Variants in RETREG1 observed in about 807,000 individuals in gnomAD.
RETREG1 encodes the protein family with sequence similarity 134 member B.
Under a neutral mutation model 54.8 loss-of-function variants are expected in RETREG1, and 44 were observed. The observed-to-expected ratio is 0.80, with a 90% CI of 0.63 to 1.03. RETREG1 has a LOEUF of 1.03. Ranked by LOEUF, RETREG1 falls within the 50% of genes least tolerant of loss-of-function variation. The probability of loss-of-function intolerance (pLI) is 0.00; values close to 1 mark genes in which losing one functional copy is unlikely to be tolerated. For missense variants in RETREG1, 554 were observed against 605.1 expected (o/e 0.92, Z 0.89); for synonymous variants, 217 against 238.5 (o/e 0.91, Z 0.83).
At chr5:16,515,234 G>T (rs1740310874) in intron 3 of RETREG1, among the ~76,000 whole-genome samples, 1 of 152,022 alleles carries the variant, frequency 6.6e-6, no homozygotes, top group Admixed American at 6.6e-5. Context: ...GTGTAAAAGG[G>T]TTCCTGGAAC....
chr5:16,477,681 T>A lies in RETREG1; in HGVS notation c.981A>T (p.Pro327=). 1 of 1,613,194 alleles carries A rather than the reference T, an allele frequency of 6.2e-7. No individual in the cohort carries two copies. Among genetic ancestry groups the A allele is most frequent in the Non-Finnish European group, 8.5e-7 (1 of 1,179,376 alleles). Residue 327 remains proline (P), a synonymous_variant, in exon 8 of 9, where the codon CCA becomes CCT. Transcript: ENST00000306320. The part of the protein sequence containing the change: ...GTFNLSEGYT[P]QTDTSDDLDR... The stretch of plus-strand genomic sequence containing the variant: ...GCATACCATCAGAAGTGTCTGTCTG[T>A]GGAGTGTATCCTTCTGAAAGGTTGA...
intron 3 of RETREG1, among the ~76,000 whole-genome samples, chr5:16,533,411 C>T (rs1740969518): frequency 6.6e-6 from 1 of 152,142 alleles, no homozygotes; most frequent in Non-Finnish European, 1.5e-5. Context: ...AGCCTAATGA[C>T]CACCCCCATC....
chr5:16,491,167 ACCCCATC>A (rs1409832238), intron 3 of RETREG1, among the ~76,000 whole-genome samples: 1 of 152,046 alleles, frequency 6.6e-6, no homozygotes, highest in Non-Finnish European at 1.5e-5. Flanking sequence ...TCCCCCTAGG[ACCCCATC>A]CCATTACGAT....
chr5:16,576,410 A>C (rs1162421586), intron 1 of RETREG1, among the ~76,000 whole-genome samples: 1 of 150,880 alleles, frequency 6.6e-6, no homozygotes, highest in Non-Finnish European at 1.5e-5. Flanking sequence ...CTCCTGCCTC[A>C]GCCTCCTGAG....
At chr5:16,571,348 A>G (rs781761501) in intron 2 of RETREG1, among the ~76,000 whole-genome samples, 1 of 152,168 alleles carries the variant, frequency 6.6e-6, no homozygotes, top group Non-Finnish European at 1.5e-5. Context: ...ATCTCATTAC[A>G]TTTAAGTTTA....
chr5:16,508,770 C>T lies in RETREG1; in HGVS notation c.459-25298G>A, dbSNP rs1338696806. ...CTTTCCTTTTTGGAAAAAAAGTGCT[C>T]CTCCCTTACTCAGAAAGTTGGTGTT... On this transcript the variant is annotated intron_variant, in intron 3 of 8. Transcript: ENST00000306320. The T allele has an allele frequency of 5.9e-5, 89 of 1,497,984 alleles. No homozygotes were observed. In the South Asian group the frequency reaches 6.0e-4, roughly 10 times the overall value. The allele number at this position is 1,497,984 out of a possible 1,614,324, so 92.8% of individuals were successfully genotyped here. A position where few individuals can be genotyped will look rare whatever the true frequency, so the allele number is the denominator to read the frequency against.
At chr5:16,540,253 T>C (rs1741202420) in intron 3 of RETREG1, among the ~76,000 whole-genome samples, 1 of 152,272 alleles carries the variant, frequency 6.6e-6, no homozygotes, top group Admixed American at 6.5e-5. Flanking sequence ...ATCTCTATCC[T>C]ATTGATGCAG....
At chr5:16,592,871 C>A (rs1011001996) in intron 1 of RETREG1, among the ~76,000 whole-genome samples, 3 of 151,928 alleles carry the variant, frequency 2.0e-5, no homozygotes, top group Non-Finnish European at 4.4e-5. Context: ...AAGAGGGGAA[C>A]AACAGACACT....
At chr5:16,535,641 T>G (rs1410835799) in intron 3 of RETREG1, among the ~76,000 whole-genome samples, 1 of 144,920 alleles carries the variant, frequency 6.9e-6, no homozygotes, top group Non-Finnish European at 1.5e-5. Flanking sequence ...GAGCTGGGGT[T>G]CCTGTGTGCA....
chr5:16,546,067 G>A (rs969438701), intron 3 of RETREG1, among the ~76,000 whole-genome samples: 3 of 152,194 alleles, frequency 2.0e-5, no homozygotes, highest in Non-Finnish European at 4.4e-5. Context: ...AAGCAAAGAG[G>A]TGAGATACAA....
At chr5:16,582,514 CTA>C (rs1310177554) in intron 1 of RETREG1, among the ~76,000 whole-genome samples, 1 of 151,990 alleles carries the variant, frequency 6.6e-6, no homozygotes, top group African/African-American at 2.4e-5. Flanking sequence ...GGACTGGTCT[CTA>C]TTCAGATATC....
At chr5:16,551,016 C>G (rs1432511331) in intron 3 of RETREG1, among the ~76,000 whole-genome samples, 1 of 152,168 alleles carries the variant, frequency 6.6e-6, no homozygotes, top group African/African-American at 2.4e-5. Flanking sequence ...TGGAACTAGA[C>G]AGTGGTGATG....
chr5:16,505,437 G>A (rs1739912087), intron 3 of RETREG1, among the ~76,000 whole-genome samples: 2 of 152,020 alleles, frequency 1.3e-5, no homozygotes, highest in Admixed American at 1.3e-4. Flanking sequence ...CTCCACACCT[G>A]GGCTGTGTGC....
chr5:16,566,615 AC>A (rs1402175202), intron 2 of RETREG1, among the ~76,000 whole-genome samples: 2 of 152,164 alleles, frequency 1.3e-5, no homozygotes, highest in African/African-American at 4.8e-5. Context: ...ATCCTTCTTA[AC>A]CTTTACTTCC....
chr5:16,590,849 C>CAA lies in RETREG1; in HGVS notation c.321-18748_321-18747insTT, dbSNP rs752781695. Among the ~76,000 whole-genome samples the CAA allele has an allele frequency of 1.9e-3, 290 of 150,690 alleles. 3 individuals are homozygous for CAA. The highest frequency in any genetic ancestry group is 6.4e-3 in the African/African-American group (260 of 40,938). The stretch of plus-strand genomic sequence containing the variant: ...ACACACACATGCAAACACACATGCA[C>CAA]ACACAAAAAACACACACATGCAAAC... On this transcript the variant is annotated intron_variant, in intron 1 of 8. Transcript: ENST00000306320.
At chr5:16,500,760 T>C (rs1009855563) in intron 3 of RETREG1, among the ~76,000 whole-genome samples, 1 of 152,050 alleles carries the variant, frequency 6.6e-6, no homozygotes, top group Non-Finnish European at 1.5e-5. Flanking sequence ...TGGCATAATA[T>C]CAATGTTCAC....
At chr5:16,615,483 C>T (rs538343802) in intron 1 of RETREG1, among the ~76,000 whole-genome samples, 5 of 151,722 alleles carry the variant, frequency 3.3e-5, no homozygotes, top group African/African-American at 1.2e-4. Flanking sequence ...GAGACACAGC[C>T]CTAAGACTAT....
intron 3 of RETREG1, among the ~76,000 whole-genome samples, chr5:16,559,564 T>C (rs530537464): frequency 1.3e-5 from 2 of 152,258 alleles, no homozygotes; most frequent in South Asian, 2.1e-4. Flanking sequence ...AAGGAAAAAA[T>C]TGCTTTAAAT....
chr5:16,533,402 G>A (rs968270829), intron 3 of RETREG1, among the ~76,000 whole-genome samples: 2 of 152,140 alleles, frequency 1.3e-5, no homozygotes, highest in African/African-American at 4.8e-5. Flanking sequence ...TAGACCAAGA[G>A]CCTAATGACC....
Sources: allele counts gnomAD v4.1 joint callset (sites outside exome capture counted in the v4.1 genomes callset), GRCh38; gene constraint gnomAD v4.1.1; transcripts MANE v1.5; gene names NCBI Gene and HGNC (gene_info 2026-07-23, HGNC 2026-07-21).